The following NECAB1 variants were observed in gnomAD, a reference collection of about 807,000 sequenced individuals.
NECAB1 encodes the protein N-terminal EF-hand calcium-binding protein 1.
A neutral mutation model predicts 57.5 loss-of-function variants in NECAB1; 29 were observed. That is an observed-to-expected ratio of 0.50 (90% CI 0.38 to 0.69). NECAB1 has a LOEUF of 0.69. NECAB1 is among the 30% of genes least tolerant of loss of function. The pLI is 0.00. For missense variants in NECAB1, 372 were observed against 413.8 expected (o/e 0.90, Z 0.88); for synonymous variants, 142 against 147.7 (o/e 0.96, Z 0.28).
intron 2 of NECAB1, among the ~76,000 whole-genome samples, chr8:90,804,319 C>T (rs930315435): frequency 2.6e-5 from 4 of 151,010 alleles, no homozygotes; most frequent in African/African-American, 2.4e-5. Flanking sequence ...CTAAAACAAT[C>T]GAACTCATAG....
intron 3 of NECAB1, among the ~76,000 whole-genome samples, chr8:90,831,933 A>G (rs1812304110): frequency 6.6e-6 from 1 of 152,178 alleles, no homozygotes; most frequent in South Asian, 2.1e-4. Context: ...ATTTGATTAT[A>G]TCCTATACAG....
chr8:90,917,213 T>G (rs1317009278), intron 5 of NECAB1, among the ~76,000 whole-genome samples: 1 of 152,178 alleles, frequency 6.6e-6, no homozygotes, highest in African/African-American at 2.4e-5. Context: ...AGATGTCTAT[T>G]TTGCAACTCT....
chr8:90,846,731 C>T (rs1244355716), intron 3 of NECAB1, among the ~76,000 whole-genome samples: 1 of 152,190 alleles, frequency 6.6e-6, no homozygotes, highest in African/African-American at 2.4e-5. Flanking sequence ...AGGAGCAAGT[C>T]ATGTCTTACA....
chr8:90,843,906 C>T (rs918705098), intron 3 of NECAB1, among the ~76,000 whole-genome samples: 5 of 152,124 alleles, frequency 3.3e-5, no homozygotes, highest in Admixed American at 3.3e-4. Context: ...AGGGACTTCC[C>T]AAAATTATGA....
At chr8:90,850,042 A>G (rs1462868659) in intron 3 of NECAB1, among the ~76,000 whole-genome samples, 1 of 152,220 alleles carries the variant, frequency 6.6e-6, no homozygotes, top group African/African-American at 2.4e-5. Flanking sequence ...AGTAGTCACC[A>G]ATTAACTTCA....
At chr8:90,824,898 A>G (rs773791716) in intron 3 of NECAB1, 73 bp downstream of exon 3, 156 of 735,094 alleles carry the variant, frequency 2.1e-4, no homozygotes, top group Non-Finnish European at 3.1e-4. Context: ...GTCCAGGAAG[A>G]AGAAAGGGAA....
chr8:90,904,698 CAAAT>C (rs1809593122), intron 5 of NECAB1, among the ~76,000 whole-genome samples: 1 of 151,662 alleles, frequency 6.6e-6, no homozygotes, highest in Non-Finnish European at 1.5e-5. Flanking sequence ...GCAGAGAAGA[CAAAT>C]AATAAAAAAA....
At chr8:90,862,280 A>G (rs1358773543) in intron 3 of NECAB1, among the ~76,000 whole-genome samples, 1 of 152,174 alleles carries the variant, frequency 6.6e-6, no homozygotes, top group Non-Finnish European at 1.5e-5. Flanking sequence ...ATATTCATGG[A>G]AAGACACACA....
intron 2 of NECAB1, among the ~76,000 whole-genome samples, chr8:90,810,151 A>G (rs1449697922): frequency 6.6e-6 from 1 of 152,194 alleles, no homozygotes; most frequent in Non-Finnish European, 1.5e-5. Context: ...GCTGTGGCTC[A>G]TCTCTGTAGC....
At chr8:90,881,523 G>A (rs1053527421) in intron 5 of NECAB1, among the ~76,000 whole-genome samples, 1 of 152,188 alleles carries the variant, frequency 6.6e-6, no homozygotes, top group Non-Finnish European at 1.5e-5. Flanking sequence ...TTCTCCTGAT[G>A]TTGAATGAGT....
intron 5 of NECAB1, among the ~76,000 whole-genome samples, chr8:90,911,822 C>T (rs1357477544): frequency 6.6e-6 from 1 of 152,076 alleles, no homozygotes; most frequent in Admixed American, 6.6e-5. Context: ...TTTATAATAT[C>T]CTTTCTCCAA....
intron 1 of NECAB1, among the ~76,000 whole-genome samples, chr8:90,795,710 A>T (rs7016970): frequency 0.063 from 3,919 of 62,006 alleles, 77 homozygotes; most frequent in African/African-American, 0.23. Flanking sequence ...CATCTCTCTC[A>T]CACACACACA....
intron 9 of NECAB1, among the ~76,000 whole-genome samples, chr8:90,939,554 G>A (rs1442864383): frequency 1.3e-5 from 2 of 152,156 alleles, no homozygotes; most frequent in Non-Finnish European, 2.9e-5. Context: ...ATAGGTGGAT[G>A]TATTTATATA....
intron 6 of NECAB1, among the ~76,000 whole-genome samples, chr8:90,919,476 A>G (rs922830613): frequency 3.9e-5 from 6 of 152,216 alleles, no homozygotes; most frequent in African/African-American, 1.4e-4. Context: ...AGTGAGCACC[A>G]CCAACTTCTA....
chr8:90,933,866 G>A (rs1297077161), intron 8 of NECAB1, among the ~76,000 whole-genome samples: 1 of 152,060 alleles, frequency 6.6e-6, no homozygotes, highest in Admixed American at 6.5e-5. Flanking sequence ...GGGTATAAAT[G>A]TATTGTAACA....
intron 7 of NECAB1, among the ~76,000 whole-genome samples, chr8:90,926,302 T>A (rs1046914422): frequency 2.6e-5 from 4 of 152,208 alleles, no homozygotes; most frequent in Admixed American, 1.3e-4. Flanking sequence ...TTATCTAATA[T>A]TCAGAAAATC....
At chr8:90,928,902 T>A (rs1353391473) in intron 8 of NECAB1, among the ~76,000 whole-genome samples, 1 of 152,190 alleles carries the variant, frequency 6.6e-6, no homozygotes. Context: ...TACCAAGTAG[T>A]CCTGTTATTG....
Position 90,808,491 on chromosome 8 carries a change from T to C in NECAB1, c.124+6776T>C, listed in dbSNP as rs1016696458. 2.0e-5 allele frequency among the ~76,000 whole-genome samples: 3 copies of C among 152,278 alleles called. No homozygotes were observed. In the East Asian group the frequency reaches 5.8e-4, roughly 29 times the overall value. On this transcript the variant is annotated intron_variant, in intron 2 of 12. Coordinates refer to ENST00000417640, the MANE Select transcript of NECAB1 (RefSeq NM_022351.5). ...TAACTTAATTTCCCCACCTGTGAAG[T>C]GGAAATAAAGGCAATGCCTCTCTCA...
intron 2 of NECAB1, among the ~76,000 whole-genome samples, chr8:90,802,956 GT>G (rs1811785441): frequency 6.6e-6 from 1 of 152,126 alleles, no homozygotes; most frequent in African/African-American, 2.4e-5. Context: ...GAGTGCAGTG[GT>G]GGGATCTTGG....
Sources: allele counts gnomAD v4.1 joint callset (sites outside exome capture counted in the v4.1 genomes callset), GRCh38; gene constraint gnomAD v4.1.1; transcripts MANE v1.5; gene names NCBI Gene and HGNC (gene_info 2026-07-23, HGNC 2026-07-21).